OTUD7A: variants seen among roughly 807,000 people sequenced by gnomAD.
OTUD7A encodes OTU domain-containing protein 7A.
A neutral mutation model predicts 65.7 loss-of-function variants in OTUD7A; 12 were observed. The observed-to-expected ratio is 0.18, with a 90% confidence interval of 0.12 to 0.30. The LOEUF (loss-of-function observed/expected upper bound fraction) is 0.30. Ranked by LOEUF, OTUD7A falls within the 10% of genes least tolerant of loss-of-function variation. OTUD7A has a pLI of 1.00. For missense variants in OTUD7A, 1,148 were observed against 1,304.8 expected (o/e 0.88, Z 1.85); for synonymous variants, 641 against 586.3 (o/e 1.09, Z -1.35).
Position 31,483,904 on chromosome 15 carries a change from C to T in OTUD7A, c.2192G>A (p.Arg731Gln). 2.0e-6 allele frequency: 2 copies of T among 1,024,426 alleles called. No individual in the cohort carries two copies. Among genetic ancestry groups the T allele is most frequent in the Non-Finnish European group, 1.2e-6 (1 of 855,724 alleles). 63.5% of individuals were successfully genotyped at this position (1,024,426 alleles called of 1,614,324 possible). The stretch of plus-strand genomic sequence containing the variant: ...CCCTGCCGCGGGCCCGGGGCTCGGC[C>T]GCTCCTTGAGCTTGAGCACCAGCTG... ...PTQLVLKLKERPSPGPAAGRA... is the reference protein window; with the variant it reads ...PTQLVLKLKEQPSPGPAAGRA... The change falls in exon 13 of 13, where the codon CGG (arginine) becomes CAG (glutamine). Residue 731 changes from arginine (R) to glutamine (Q), a missense_variant. By Grantham distance (43) the Arg-to-Gln change is conservative. Around this residue, in one of 6 missense-constraint regions of OTUD7A, gnomAD observed 842 missense variants for 769.5 expected, o/e 1.09. Transcript: ENST00000307050.
chr15:31,822,562 C>G (rs893005526), intron 1 of OTUD7A, among the ~76,000 whole-genome samples: 1 of 152,054 alleles, frequency 6.6e-6, no homozygotes, highest in African/African-American at 2.4e-5. Context: ...GCCTGGCCAC[C>G]CTGCCTCTTT....
chr15:31,529,368 G>C (rs1356384710), intron 6 of OTUD7A, among the ~76,000 whole-genome samples: 2 of 152,128 alleles, frequency 1.3e-5, no homozygotes, highest in African/African-American at 4.8e-5. Flanking sequence ...AGATTGTAAG[G>C]GAAAATGTTG....
intron 3 of OTUD7A, among the ~76,000 whole-genome samples, chr15:31,637,826 T>C (rs984826197): frequency 1.7e-4 from 26 of 152,180 alleles, no homozygotes; most frequent in Non-Finnish European, 7.4e-5. Flanking sequence ...GAATTAGAAG[T>C]GGAGTCTGAA....
chr15:31,726,343 A>ACG (rs1893884158), intron 1 of OTUD7A, among the ~76,000 whole-genome samples: 1 of 37,506 alleles, frequency 2.7e-5, no homozygotes, highest in East Asian at 1.5e-3. Flanking sequence ...ACACACACAC[A>ACG]CACGCACACA....
intron 1 of OTUD7A, chr15:31,767,832 T>A: frequency 1.1e-6 from 1 of 894,468 alleles, no homozygotes; most frequent in East Asian, 2.4e-5. Flanking sequence ...AAGTTCTCTA[T>A]GCTGTTTTTT....
intron 1 of OTUD7A, among the ~76,000 whole-genome samples, chr15:31,795,190 C>T (rs1299199410): frequency 6.6e-6 from 1 of 152,168 alleles, no homozygotes; most frequent in East Asian, 1.9e-4. Flanking sequence ...TCCTTTGGGG[C>T]CCACAGGTGA....
At chr15:31,595,379 G>C (rs910246812) in intron 3 of OTUD7A, among the ~76,000 whole-genome samples, 1 of 152,196 alleles carries the variant, frequency 6.6e-6, no homozygotes, top group Non-Finnish European at 1.5e-5. Context: ...TTCCACACAC[G>C]TTGCTGCAAA....
intron 1 of OTUD7A, among the ~76,000 whole-genome samples, chr15:31,854,650 A>T (rs1279656491): frequency 6.6e-6 from 1 of 152,150 alleles, no homozygotes; most frequent in African/African-American, 2.4e-5. Context: ...TAGTCTCCGT[A>T]TTTTAAAGTC....
chr15:31,569,024 A>C (rs1595617933), intron 4 of OTUD7A, among the ~76,000 whole-genome samples: 1 of 152,362 alleles, frequency 6.6e-6, no homozygotes, highest in East Asian at 1.9e-4. Flanking sequence ...TACAGCAGTG[A>C]AAGAATGGCC....
At chr15:31,542,203 CAT>C (rs1888007217) in intron 5 of OTUD7A, among the ~76,000 whole-genome samples, 2 of 151,958 alleles carry the variant, frequency 1.3e-5, no homozygotes, top group African/African-American at 2.4e-5. Context: ...GAGTAAGAGT[CAT>C]ACACACAAAA....
chr15:31,562,483 C>T (rs1479540049), intron 4 of OTUD7A, among the ~76,000 whole-genome samples: 1 of 152,160 alleles, frequency 6.6e-6, no homozygotes, highest in Non-Finnish European at 1.5e-5. Flanking sequence ...ATAGAAACCA[C>T]CTCAAAGGCT....
At position 31,483,609 on chromosome 15, in the gene OTUD7A, C is replaced by A. The variant is rs758052961; in HGVS notation, c.2487G>T (p.Thr829=). Residue 829 remains threonine (T), a synonymous_variant, in exon 13 of 13, where the codon ACG becomes ACT. Coordinates refer to ENST00000307050, the MANE Select transcript of OTUD7A (RefSeq NM_001382637.1). ...GCACCGCGCGCGCCAGCGACTCGAC[C>A]GTGTTGACGGTGCGCAGGGCGGCGG... is the stretch of plus-strand genomic sequence containing the variant. ...ARAAALRTVN[T]VESLARAVPG... 8.2e-7 allele frequency: 1 copy of A among 1,217,554 alleles called. No individual in the cohort carries two copies. The highest frequency in any genetic ancestry group is 1.6e-5 in the African/African-American group (1 of 62,396). The allele number at this position is 1,217,554 out of a possible 1,614,324, so 75.4% of individuals were successfully genotyped here. A position where few individuals can be genotyped will look rare whatever the true frequency, so the allele number is the denominator to read the frequency against.
intron 1 of OTUD7A, among the ~76,000 whole-genome samples, chr15:31,851,672 T>G (rs1187297029): frequency 6.6e-6 from 1 of 152,218 alleles, no homozygotes; most frequent in Non-Finnish European, 1.5e-5. Context: ...CTTTGGGTCC[T>G]GCTGACCTCC....
At chr15:31,800,752 G>T (rs548024465) in intron 1 of OTUD7A, among the ~76,000 whole-genome samples, 7 of 152,200 alleles carry the variant, frequency 4.6e-5, no homozygotes, top group African/African-American at 7.2e-5. Flanking sequence ...CACAGTGGAG[G>T]AGAAGCAGCC....
At chr15:31,505,529 A>G (rs964416935) in intron 8 of OTUD7A, among the ~76,000 whole-genome samples, 2 of 152,002 alleles carry the variant, frequency 1.3e-5, no homozygotes, top group Non-Finnish European at 2.9e-5. Context: ...AGAAAACTCT[A>G]TTTTACTTTT....
chr15:31,674,739 G>A (rs908100852), intron 1 of OTUD7A, among the ~76,000 whole-genome samples: 4 of 152,202 alleles, frequency 2.6e-5, no homozygotes, highest in African/African-American at 9.6e-5. Flanking sequence ...TTACCTGATA[G>A]AAAGAGACAG....
Position 31,508,028 on chromosome 15 carries a change from T to A in OTUD7A, c.894-4210A>T, listed in dbSNP as rs545233215. On this transcript the variant is annotated intron_variant, in intron 8 of 12. Transcript: ENST00000307050. ...AAAAGGCTAGCTGTCATTGATTTTTTAATATTTTTACAAGGTATGATAGAG... is the reference window on the plus strand; with the variant it reads ...AAAAGGCTAGCTGTCATTGATTTTTAAATATTTTTACAAGGTATGATAGAG... 4.7e-4 allele frequency among the ~76,000 whole-genome samples: 72 copies of A among 152,316 alleles called. 1 individual carries two copies. In the Middle Eastern group the frequency reaches 0.01, roughly 22 times the overall value.
intron 1 of OTUD7A, among the ~76,000 whole-genome samples, chr15:31,865,985 T>C (rs570300133): frequency 1.3e-5 from 2 of 152,234 alleles, no homozygotes; most frequent in East Asian, 1.9e-4. Flanking sequence ...GAATAAAATA[T>C]GCTCAAATAG....
At chr15:31,791,512 T>C (rs1176528938) in intron 1 of OTUD7A, among the ~76,000 whole-genome samples, 1 of 152,164 alleles carries the variant, frequency 6.6e-6, no homozygotes, top group African/African-American at 2.4e-5. Context: ...ACATCTCTGC[T>C]TCTAGTTGTA....
Sources: allele counts gnomAD v4.1 joint callset (sites outside exome capture counted in the v4.1 genomes callset), GRCh38; gene constraint gnomAD v4.1.1; regional missense constraint gnomAD v4.1.1; transcripts MANE v1.5; gene names NCBI Gene and HGNC (gene_info 2026-07-23, HGNC 2026-07-21).